The following RAD51B variants were observed in gnomAD, a reference collection of about 807,000 sequenced individuals.
The protein encoded by RAD51B is RAD51 paralog B, also known as DNA repair protein RAD51 homolog 2.
In RAD51B, 38 loss-of-function variants were observed where a neutral mutation model predicts 42.2. That is an observed-to-expected ratio of 0.90 (90% CI 0.70 to 1.18). The LOEUF (loss-of-function observed/expected upper bound fraction) is 1.18, where lower values mean the gene tolerates loss of function less well. Among genes scored for constraint, RAD51B ranks in the 50% most tolerant of loss-of-function variants. RAD51B has a pLI of 0.00. For synonymous variants in RAD51B, 154 were observed against 145.2 expected, an observed-to-expected ratio of 1.06 and a Z score of -0.43; for missense variants, 373 against 400.7, an observed-to-expected ratio of 0.93 and a Z score of 0.59.
chr14:68,611,174 T>A (rs1891667562), exon 11 of RAD51B: 1 of 702,986 alleles, frequency 1.4e-6, no homozygotes, highest in Non-Finnish European at 2.6e-6. Context: ...TCAACTGTCC[T>A]CTCTTCTGCT....
chr14:68,280,807 A>G (rs1466399500), intron 7 of RAD51B, among the ~76,000 whole-genome samples: 1 of 152,174 alleles, frequency 6.6e-6, no homozygotes, highest in Admixed American at 6.5e-5. Context: ...TAAACCCAGC[A>G]CTTTGGGAGG....
At chr14:68,035,110 A>T (rs1219722531) in intron 7 of RAD51B, among the ~76,000 whole-genome samples, 3 of 152,060 alleles carry the variant, frequency 2.0e-5, no homozygotes, top group Non-Finnish European at 4.4e-5. Flanking sequence ...TAGACTGTGG[A>T]TTGTTTCTGT....
intron 11 of RAD51B, among the ~76,000 whole-genome samples, chr14:68,655,496 G>A (rs576890728): frequency 4.1e-4 from 62 of 152,270 alleles, no homozygotes; most frequent in African/African-American, 1.4e-3. Flanking sequence ...ATCTGAGGAC[G>A]GCGGATGAAT....
At chr14:68,316,618 G>A (rs2082068782) in intron 8 of RAD51B, among the ~76,000 whole-genome samples, 2 of 152,194 alleles carry the variant, frequency 1.3e-5, no homozygotes, top group Non-Finnish European at 2.9e-5. Context: ...CTTCTCGGCT[G>A]TGAGACAGAA....
At chr14:68,576,127 C>T (rs1358133004) in intron 10 of RAD51B, among the ~76,000 whole-genome samples, 1 of 152,144 alleles carries the variant, frequency 6.6e-6, no homozygotes, top group Non-Finnish European at 1.5e-5. Context: ...CTGCCATAGC[C>T]AAGCACCAGA....
intron 10 of RAD51B, among the ~76,000 whole-genome samples, chr14:68,502,310 G>T (rs1169984245): frequency 1.3e-5 from 2 of 152,194 alleles, no homozygotes; most frequent in African/African-American, 2.4e-5. Context: ...GGAGATGGGA[G>T]GTCAGGCTGC....
chr14:67,873,531 G>A (rs952923230), intron 5 of RAD51B, among the ~76,000 whole-genome samples: 1 of 151,288 alleles, frequency 6.6e-6, no homozygotes, highest in Admixed American at 6.6e-5. Flanking sequence ...TCAGTGTGGC[G>A]ATTCCTCAGG....
chr14:68,639,791 T>C (rs1436047887), intron 10 of RAD51B, among the ~76,000 whole-genome samples: 1 of 152,060 alleles, frequency 6.6e-6, no homozygotes, highest in Non-Finnish European at 1.5e-5. Context: ...GTTTTGTTTT[T>C]TGTTTTTTGT....
chr14:68,497,204 C>T, intron 10 of RAD51B: 1 of 1,381,954 alleles, frequency 7.2e-7, no homozygotes, highest in Non-Finnish European at 9.7e-7. Context: ...GCCACAGAAA[C>T]AAAATATTGG....
At chr14:68,376,679 C>T (rs532700890) in intron 8 of RAD51B, among the ~76,000 whole-genome samples, 9 of 152,354 alleles carry the variant, frequency 5.9e-5, no homozygotes, top group African/African-American at 2.2e-4. Context: ...TTGCTAGGCC[C>T]AGCTCCTGGG....
intron 8 of RAD51B, among the ~76,000 whole-genome samples, chr14:68,295,355 C>G (rs555706526): frequency 6.6e-6 from 1 of 152,112 alleles, no homozygotes; most frequent in East Asian, 1.9e-4. Flanking sequence ...GGTGGTGGGG[C>G]GGGGAGACCC....
intron 9 of RAD51B, among the ~76,000 whole-genome samples, chr14:68,442,988 G>T (rs1253173186): frequency 2.6e-5 from 4 of 152,176 alleles, no homozygotes; most frequent in Non-Finnish European, 5.9e-5. Flanking sequence ...CTCATGCAGT[G>T]CACTGCTCAT....
chr14:67,898,503 A>G (rs1317166524), intron 7 of RAD51B, among the ~76,000 whole-genome samples: 3 of 152,240 alleles, frequency 2.0e-5, no homozygotes, highest in Admixed American at 1.3e-4. Context: ...TCCTGGAGAC[A>G]CAGTGCCTAT....
chr14:68,439,151 T>A (rs2085218407), intron 9 of RAD51B, among the ~76,000 whole-genome samples: 2 of 86,624 alleles, frequency 2.3e-5, no homozygotes, highest in South Asian at 1.0e-3. Context: ...CATGTATTTT[T>A]GTACACACAC....
At chr14:68,220,416 C>T (rs891820023) in intron 7 of RAD51B, among the ~76,000 whole-genome samples, 1 of 152,166 alleles carries the variant, frequency 6.6e-6, no homozygotes, top group African/African-American at 2.4e-5. Context: ...AATCCAGCAT[C>T]CCTTTATGAT....
chr14:67,822,577 G>A (rs1291663277), intron 1 of RAD51B, among the ~76,000 whole-genome samples: 1 of 151,950 alleles, frequency 6.6e-6, no homozygotes, highest in Non-Finnish European at 1.5e-5. Context: ...ACAAAAATTA[G>A]CCAGACATGG....
At chr14:68,439,806 G>A (rs912095230) in intron 9 of RAD51B, among the ~76,000 whole-genome samples, 2 of 152,212 alleles carry the variant, frequency 1.3e-5, no homozygotes, top group African/African-American at 4.8e-5. Context: ...ATGGGGGTTG[G>A]GGGTTTGAAA....
At chr14:68,125,238 AG>A (rs1208025956) in intron 7 of RAD51B, 2 of 152,180 alleles carry the variant, frequency 1.3e-5, no homozygotes, top group African/African-American at 4.8e-5. Context: ...GCAGAATCTA[AG>A]GGGGTGAAAA....
At chr14:68,007,665 A>T (rs1485180897) in intron 7 of RAD51B, among the ~76,000 whole-genome samples, 1 of 152,046 alleles carries the variant, frequency 6.6e-6, no homozygotes, top group African/African-American at 2.4e-5. Flanking sequence ...TTCTTTGGCA[A>T]ACTGTCTTTT....
Sources: gnomAD v4.1 joint callset for allele counts (sites outside exome capture counted in the v4.1 genomes callset) on GRCh38, gnomAD v4.1.1 for gene constraint, MANE v1.5 for transcripts, NCBI Gene and HGNC (gene_info 2026-07-23, HGNC 2026-07-21) for gene names.